The following TTN variants were observed in gnomAD, a reference collection of about 807,000 sequenced individuals.
TTN encodes the protein connectin.
A neutral mutation model predicts 3,223.0 loss-of-function variants in TTN; 1,525 were observed. The ratio of observed to expected loss-of-function variants is 0.47; its 90% CI spans 0.45 to 0.49. TTN has a LOEUF of 0.49. TTN is among the 20% of genes least tolerant of loss of function. The probability of loss-of-function intolerance (pLI) is 0.00; values close to 1 mark genes in which losing one functional copy is unlikely to be tolerated. For synonymous variants in TTN, 14,094 were observed against 15,161.0 expected (o/e 0.93, Z 5.17); for missense variants, 40,786 against 43,424.0 (o/e 0.94, Z 5.40).
Position 178,720,658 on chromosome 2 carries a change from G to A in TTN, c.23104C>T (p.Pro7702Ser). The change falls in exon 80 of 363, where the codon CCT (proline) becomes TCT (serine). Residue 7702 changes from proline to serine, a missense_variant. Physicochemically the swap from Pro to Ser is moderately conservative, Grantham distance 74 (BLOSUM62 -1). Coordinates refer to ENST00000589042, the MANE Select transcript of TTN (RefSeq NM_001267550.2). ...CSTALTVKAP[P>S]VFTQKPSPVG... Reference sequence around the variant, plus strand: ...GGAGAAGGCTTCTGGGTGAAAACAGGAGGTGCTACCAGAAAAAAGGAGATA... The same window carrying A: ...GGAGAAGGCTTCTGGGTGAAAACAGAAGGTGCTACCAGAAAAAAGGAGATA... 6.3e-7 allele frequency: 1 copy of A among 1,580,472 alleles called. No individual in the cohort carries two copies. The highest frequency in any genetic ancestry group is 1.4e-5 in the African/African-American group (1 of 73,116).
chr2:178,682,608 A>C, intron 135 of TTN, 89 bp downstream of exon 135: 1 of 1,297,910 alleles, frequency 7.7e-7, no homozygotes, highest in Middle Eastern at 2.1e-4. Context: ...GGGTATCCAA[A>C]TTTTTATCTT....
chr2:178,558,451 G>C lies in TTN; in HGVS notation c.87008C>G (p.Ser29003Cys). The change falls in exon 327 of 363, where the codon TCC becomes TGC. Residue 29003 changes from serine to cysteine, a missense_variant. Ser to Cys is a moderately radical substitution (Grantham distance 112). Transcript: ENST00000589042. ...AVAKSTHHVV[S>C]GLRENSEYFF... ...GTATTCAGAATTCTCTCTCAGACCG[G>C]AAACAACGTGATGGGTTGACTTTGC... 1 of 1,613,770 alleles carries C rather than the reference G, an allele frequency of 6.2e-7. No homozygotes were observed. The highest frequency in any genetic ancestry group is 8.5e-7 in the Non-Finnish European group (1 of 1,179,830).
intron 350 of TTN, among the ~76,000 whole-genome samples, chr2:178,540,788 T>C (rs1191275654): frequency 1.3e-5 from 2 of 152,058 alleles, no homozygotes; most frequent in Non-Finnish European, 2.9e-5. Flanking sequence ...AGAGTGAGAC[T>C]CTGTCTCAAA....
chr2:178,730,006 C>T (rs2080114250), intron 62 of TTN, 61 bp from the exon 63 acceptor site: 1 of 1,597,974 alleles, frequency 6.3e-7, no homozygotes, highest in Non-Finnish European at 8.5e-7. Context: ...CTGGGCAAAA[C>T]TGCTGTCTTA....
intron 33 of TTN, among the ~76,000 whole-genome samples, chr2:178,771,953 C>T (rs906406867): frequency 6.6e-6 from 1 of 152,144 alleles, no homozygotes; most frequent in East Asian, 1.9e-4. Context: ...TGAAGTTTCA[C>T]CCCATTGCCT....
Position 178,764,234 on chromosome 2 carries a change from C to T in TTN, c.10057G>A (p.Asp3353Asn). 1 of 1,614,088 alleles carries T rather than the reference C, an allele frequency of 6.2e-7. No individual in the cohort carries two copies. Among genetic ancestry groups the T allele is most frequent in the Non-Finnish European group, 8.5e-7 (1 of 1,179,980 alleles). Residue 3353 changes from aspartate to asparagine, a missense_variant, in exon 43 of 363, where the codon GAC (aspartate) becomes AAC (asparagine). Asp to Asn is a conservative substitution (Grantham distance 23). Coordinates refer to ENST00000589042, the MANE Select transcript of TTN (RefSeq NM_001267550.2). ...YPPAIITPLQ[D>N]TVTSEGQPAR... ...GGCTGCCCTTCAGAAGTGACAGTGT[C>T]CTGAAGCGGGGTGATGATGGCAGGT...
In TTN at chr2:178,541,306, G is replaced by T; in HGVS notation, c.97771C>A (p.Pro32591Thr). The change falls in exon 350 of 363, where the codon CCC (proline) becomes ACC (threonine). Residue 32591 changes from proline (P) to threonine (T), a missense_variant. Physicochemically the swap from Pro to Thr is conservative, Grantham distance 38 (BLOSUM62 -1). Transcript: ENST00000589042. ...CCAATTGGATCCATGGCAACGATGGGTTTGGAAGGACGACTTGGTTTCCCA... is the reference window on the plus strand; with the variant it reads ...CCAATTGGATCCATGGCAACGATGGTTTTGGAAGGACGACTTGGTTTCCCA... ...GSGKPSRPSK[P>T]IVAMDPIAPP... 1 of 1,536,748 alleles carries T rather than the reference G, an allele frequency of 6.5e-7. No individual in the cohort carries two copies.
Position 178,773,951 on chromosome 2 carries a change from T to C in TTN, c.7217A>G (p.Asp2406Gly), listed in dbSNP as rs2091891924. The C allele has an allele frequency of 1.2e-6, 2 of 1,613,976 alleles. No homozygotes were observed. The highest frequency in any genetic ancestry group is 1.7e-6 in the Non-Finnish European group (2 of 1,179,990). The stretch of plus-strand genomic sequence containing the variant: ...AATGAGCAGCATATGAGATTGTTTG[T>C]CTATCACAATGTGAACCCTGTCACT... ...QPSDRVHIVI[D>G]KQSHMLLIED... Residue 2406 changes from aspartate to glycine, a missense_variant, in exon 31 of 363, where the codon GAC becomes GGC. By Grantham distance (94) the Asp-to-Gly change is moderately conservative. Coordinates refer to ENST00000589042, the MANE Select transcript of TTN (RefSeq NM_001267550.2).
intron 53 of TTN, 28 bp from the exon 54 acceptor site, chr2:178,733,545 CT>C: frequency 6.2e-7 from 1 of 1,600,112 alleles, no homozygotes; most frequent in South Asian, 1.1e-5. Context: ...AGTTAGCACC[CT>C]AAATGCTTGT....
rs774747865 is a variant in TTN, at chr2:178,567,060, C to T, written c.79072G>A (p.Val26358Ile). 1.9e-5 allele frequency: 30 copies of T among 1,613,442 alleles called. No homozygotes were observed. In the African/African-American group the frequency reaches 2.9e-4, roughly 16 times the overall value. ...VTKLLEGNEYVFRIMAVNKYG... is the reference protein window; with the variant it reads ...VTKLLEGNEYIFRIMAVNKYG... ...TTGTTGACAGCCATTATACGGAAAA[C>T]ATATTCATTACCTTCTAAGAGTTTG... is the stretch of plus-strand genomic sequence containing the variant. Residue 26358 changes from valine (V) to isoleucine (I), a missense_variant, in exon 326 of 363, where the codon GTT (valine) becomes ATT (isoleucine). Physicochemically the swap from Val to Ile is conservative, Grantham distance 29. Transcript: ENST00000589042.
intron 213 of TTN, among the ~76,000 whole-genome samples, chr2:178,648,660 T>C (rs1041828315): frequency 1.3e-5 from 2 of 152,184 alleles, no homozygotes; most frequent in Non-Finnish European, 2.9e-5. Context: ...TCCACCCACC[T>C]TGGCCTCCCC....
chr2:178,692,628 C>G, intron 119 of TTN, 48 bp from the exon 120 acceptor site: 2 of 1,375,842 alleles, frequency 1.5e-6, no homozygotes, highest in Non-Finnish European at 1.9e-6. Context: ...TTTGACAAGG[C>G]ATATGTTGTT....
rs878881293 is a variant in TTN at position 178,802,145 on chromosome 2, G to A, written c.288C>T (p.Leu96=). The part of the protein sequence containing the change: ...SGQATSTAEL[L]VKAETAPPNF... ...AGGTCCCCAGCAGCCTACCTTTCAC[G>A]AGAAGCTCAGCAGTACTAGTCGCTT... Residue 96 remains leucine, a synonymous_variant, in exon 3 of 363, where the codon CTC becomes CTT. Transcript: ENST00000589042. The A allele has an allele frequency of 3.7e-6, 6 of 1,614,064 alleles. No homozygotes were observed. The highest frequency in any genetic ancestry group is 1.7e-4 in the Middle Eastern group (1 of 6,040).
At chr2:178,616,400 C>G in intron 257 of TTN, 79 bp downstream of exon 257, 20 of 1,576,726 alleles carry the variant, frequency 1.3e-5, no homozygotes, top group Non-Finnish European at 1.6e-5. Context: ...GCACATAAGA[C>G]TTTTGTATGG....
Position 178,740,806 on chromosome 2 carries a change from G to C in TTN, c.12427C>G (p.Leu4143Val), listed in dbSNP as rs1292930663. The C allele has an allele frequency of 6.2e-7, 1 of 1,613,546 alleles. No homozygotes were observed. The highest frequency in any genetic ancestry group is 2.2e-5 in the East Asian group (1 of 44,852). Reference sequence around the variant, plus strand: ...TGTAGGTTGGGAGATGGTTCCTTGAGAGGCTGAAAGTGAATACTGCCATTG... The same window carrying C: ...TGTAGGTTGGGAGATGGTTCCTTGACAGGCTGAAAGTGAATACTGCCATTG... ...CINGSIHFQP[L>V]KEPSPNLQLQ... The change falls in exon 48 of 363, where the codon CTC becomes GTC. Residue 4143 changes from leucine to valine, a missense_variant. Leu to Val is a conservative substitution (Grantham distance 32). Coordinates refer to ENST00000589042, the MANE Select transcript of TTN (RefSeq NM_001267550.2).
rs369434118 is a variant in TTN, at chr2:178,549,650, T to C, written c.92072A>G (p.Gln30691Arg). Reference protein sequence around the residue: ...AIKLINGNEYQFRVSAVNKFG... With the variant: ...AIKLINGNEYRFRVSAVNKFG... ...CTTGTTAACTGCAGAAACACGGAAT[T>C]GGTATTCATTGCCGTTTATTAGTTT... is the stretch of plus-strand genomic sequence containing the variant. Residue 30691 changes from glutamine (Q) to arginine (R), a missense_variant, in exon 338 of 363, where the codon CAA becomes CGA. Coordinates refer to ENST00000589042, the MANE Select transcript of TTN (RefSeq NM_001267550.2). 1 of 1,613,718 alleles carries C rather than the reference T, an allele frequency of 6.2e-7. No individual in the cohort carries two copies. The highest frequency in any genetic ancestry group is 8.5e-7 in the Non-Finnish European group (1 of 1,179,776).
chr2:178,610,903 G>T (rs889317055), intron 270 of TTN, 90 bp downstream of exon 270: 16 of 1,513,932 alleles, frequency 1.1e-5, no homozygotes, highest in African/African-American at 1.4e-5. Flanking sequence ...GCCAGTTCAT[G>T]AAGCCAATTA....
In TTN at chr2:178,741,142, C is replaced by G. The variant is rs142331471; in HGVS notation, c.12091G>C (p.Glu4031Gln). 1.9e-6 allele frequency: 3 copies of G among 1,613,602 alleles called. No homozygotes were observed. The East Asian group carries it at 6.7e-5, about 36-fold the overall frequency. Residue 4031 changes from glutamate to glutamine, a missense_variant, in exon 48 of 363, where the codon GAA (glutamate) becomes CAA (glutamine). By Grantham distance (29) the Glu-to-Gln change is conservative (BLOSUM62 2). Coordinates refer to ENST00000589042, the MANE Select transcript of TTN (RefSeq NM_001267550.2). ...GGGGTATCAGTCATGTCTGTGTCTT[C>G]CAGAAGCACAAGCAGCTCTGCTGCA... ...TCAAELLVLL[E>Q]DTDMTDTPCK...
Position 178,537,154 on chromosome 2 carries a change from C to T in TTN, c.99955G>A (p.Gly33319Arg), listed in dbSNP as rs72648279. 29 of 1,613,468 alleles carry T rather than the reference C, an allele frequency of 1.8e-5. No individual in the cohort carries two copies. Among genetic ancestry groups the T allele is most frequent in the South Asian group, 7.7e-5 (7 of 91,044 alleles). ...VISWKPPADD[G>R]GSWITNYVVE... ...ACATAGTTGGTGATCCAGGAGCCTC[C>T]GTCATCTGCGGGTGGTTTCCAGCTG... Residue 33319 changes from glycine (G) to arginine (R), a missense_variant, in exon 356 of 363, where the codon GGA (glycine) becomes AGA (arginine). Coordinates refer to ENST00000589042, the MANE Select transcript of TTN (RefSeq NM_001267550.2).
Sources: allele counts gnomAD v4.1 joint callset (sites outside exome capture counted in the v4.1 genomes callset), GRCh38; gene constraint gnomAD v4.1.1; transcripts MANE v1.5; gene names NCBI Gene and HGNC (gene_info 2026-07-23, HGNC 2026-07-21).